Variants in EFHC1 observed in about 807,000 individuals in gnomAD.
The protein encoded by EFHC1 is EF-hand domain-containing protein 1.
In EFHC1, 53 loss-of-function variants were observed where a neutral mutation model predicts 69.9. The ratio of observed to expected loss-of-function variants is 0.76; its 90% CI spans 0.61 to 0.95. EFHC1 has a LOEUF of 0.95. EFHC1 is among the 40% of genes least tolerant of loss of function. The probability of loss-of-function intolerance (pLI) is 0.00; values close to 1 mark genes in which losing one functional copy is unlikely to be tolerated. For missense variants in EFHC1, 739 were observed against 798.7 expected (o/e 0.93, Z 0.90); for synonymous variants, 256 against 278.4 (o/e 0.92, Z 0.80).
intron 6 of EFHC1, among the ~76,000 whole-genome samples, chr6:52,465,965 A>G (rs566022362): frequency 2.0e-5 from 3 of 151,188 alleles, no homozygotes; most frequent in East Asian, 1.9e-4. Context: ...ATATAGATAT[A>G]TCTCATATCT....
chr6:52,464,885 C>G lies in EFHC1; in HGVS notation c.917-10C>G. 1 of 1,608,352 alleles carries G rather than the reference C, an allele frequency of 6.2e-7. No homozygotes were observed. Among genetic ancestry groups the G allele is most frequent in the Non-Finnish European group, 8.5e-7 (1 of 1,174,770 alleles). On this transcript the variant is annotated splice_polypyrimidine_tract_variant and intron_variant, in intron 5 of 10. Coordinates refer to ENST00000371068, the MANE Select transcript of EFHC1 (RefSeq NM_018100.4). ...CTTCTTTTTTTCTCTCTAACACCAT[C>G]TTATATTAGAGAACTTCCCTCAGTG...
chr6:52,465,985 A>G (rs895179285), intron 6 of EFHC1, among the ~76,000 whole-genome samples: 3 of 151,494 alleles, frequency 2.0e-5, no homozygotes, highest in African/African-American at 7.3e-5. Flanking sequence ...TTTTACCTGG[A>G]AATATACTTT....
At chr6:52,465,785 C>A (rs1025768075) in intron 6 of EFHC1, among the ~76,000 whole-genome samples, 4 of 149,596 alleles carry the variant, frequency 2.7e-5, no homozygotes, top group African/African-American at 9.8e-5. Context: ...CCAGCCTGGG[C>A]AACAGAATGA....
At chr6:52,434,788 A>G (rs1359076254) in intron 2 of EFHC1, among the ~76,000 whole-genome samples, 1 of 152,198 alleles carries the variant, frequency 6.6e-6, no homozygotes, top group Non-Finnish European at 1.5e-5. Context: ...GGAGGAGCAC[A>G]GAACTCTTAA....
In EFHC1 at chr6:52,423,912, A is replaced by G. The variant is rs569866011; in HGVS notation, c.64-34A>G. 5.6e-6 allele frequency: 9 copies of G among 1,612,330 alleles called. No individual in the cohort carries two copies. The South Asian group carries it at 6.6e-5, about 12-fold the overall frequency. On this transcript the variant is annotated intron_variant, in intron 1 of 10. Transcript: ENST00000371068. Reference sequence around the variant, plus strand: ...TTTTTTACCTAACAAATATTTGTCTAATGTTATTAATGACACATTCTTTTC... The same window carrying G: ...TTTTTTACCTAACAAATATTTGTCTGATGTTATTAATGACACATTCTTTTC...
intron 3 of EFHC1, among the ~76,000 whole-genome samples, chr6:52,441,153 T>C (rs1764654239): frequency 6.6e-6 from 1 of 152,208 alleles, no homozygotes; most frequent in Non-Finnish European, 1.5e-5. Flanking sequence ...ATACCATTTG[T>C]CAATTTTTGC....
At chr6:52,459,734 G>A (rs1039733919) in intron 5 of EFHC1, among the ~76,000 whole-genome samples, 1 of 152,180 alleles carries the variant, frequency 6.6e-6, no homozygotes, top group African/African-American at 2.4e-5. Flanking sequence ...GAGTGCAGTG[G>A]CATGGTCTTG....
At position 52,420,344 on chromosome 6, in the gene EFHC1, T is replaced by A. The variant is rs774539383; in HGVS notation, c.-67T>A. ...GGATCCTGGAGGTGCCCGCGAACAC[T>A]GCTTGTCGCCTGGGCAACCGGAGAG... On this transcript the variant is annotated 5_prime_UTR_variant, in exon 1 of 11. Coordinates refer to ENST00000371068, the MANE Select transcript of EFHC1 (RefSeq NM_018100.4). 6.2e-7 allele frequency: 1 copy of A among 1,603,704 alleles called. No homozygotes were observed. The highest frequency in any genetic ancestry group is 2.2e-5 in the East Asian group (1 of 44,800).
intron 2 of EFHC1, among the ~76,000 whole-genome samples, chr6:52,427,582 A>G (rs1314302795): frequency 1.3e-5 from 2 of 148,616 alleles, no homozygotes; most frequent in Non-Finnish European, 1.5e-5. Flanking sequence ...TTGCAGCACT[A>G]TATTATAATT....
intron 4 of EFHC1, chr6:52,453,747 A>G (rs1249874437): frequency 8.0e-7 from 1 of 1,242,928 alleles, no homozygotes; most frequent in African/African-American, 1.6e-5. Flanking sequence ...CCATATTCAC[A>G]TGTACCTTTA....
Position 52,495,222 on chromosome 6 carries a change from C to T in EFHC1, c.*2881C>T, listed in dbSNP as rs1268563273. ...GCTGTGTAATTAGGCAGCTCAATCC[C>T]TTTCCTTTAGACTGTTTCAGGGGAG... is the stretch of plus-strand genomic sequence containing the variant. On this transcript the variant is annotated 3_prime_UTR_variant, in exon 11 of 11. Transcript: ENST00000371068. 1 of 454,114 alleles carries T rather than the reference C, an allele frequency of 2.2e-6. No individual in the cohort carries two copies. The highest frequency in any genetic ancestry group is 4.4e-6 in the Non-Finnish European group (1 of 226,790). 28.1% of individuals were successfully genotyped at this position (454,114 alleles called of 1,614,324 possible). A position where few individuals can be genotyped will look rare whatever the true frequency, so the allele number is the denominator to read the frequency against.
chr6:52,456,757 ATACAAAAAT>A (rs1206542621), intron 5 of EFHC1, among the ~76,000 whole-genome samples: 1 of 152,190 alleles, frequency 6.6e-6, no homozygotes, highest in Non-Finnish European at 1.5e-5. Flanking sequence ...CTACTAAAAA[ATACAAAAAT>A]TACCTGGGCA....
intron 5 of EFHC1, among the ~76,000 whole-genome samples, chr6:52,459,805 G>T (rs1765123227): frequency 6.6e-6 from 1 of 152,140 alleles, no homozygotes; most frequent in Non-Finnish European, 1.5e-5. Flanking sequence ...CTCCCGAGTA[G>T]CTGGGACTAC....
intron 3 of EFHC1, among the ~76,000 whole-genome samples, chr6:52,439,757 G>T (rs909257812): frequency 3.3e-5 from 5 of 152,080 alleles, no homozygotes; most frequent in Admixed American, 3.3e-4. Context: ...AAGGAGCCAT[G>T]GCATCAGTGC....
intron 2 of EFHC1, among the ~76,000 whole-genome samples, chr6:52,435,393 C>T (rs1764509127): frequency 6.6e-6 from 1 of 152,176 alleles, no homozygotes; most frequent in Admixed American, 6.5e-5. Flanking sequence ...CCCAGTCCTG[C>T]AGTATAAATT....
At chr6:52,449,255 C>T (rs1411950703) in intron 3 of EFHC1, among the ~76,000 whole-genome samples, 11 of 151,942 alleles carry the variant, frequency 7.2e-5, no homozygotes, top group South Asian at 2.1e-4. Flanking sequence ...TGGTGGCAGG[C>T]GCCTGTAGTC....
At position 52,452,549 on chromosome 6, in the gene EFHC1, A is replaced by G; in HGVS notation, c.574-139A>G. 14 of 914,040 alleles carry G rather than the reference A, an allele frequency of 1.5e-5. No individual in the cohort carries two copies. In the South Asian group the frequency reaches 2.0e-4, roughly 13 times the overall value. The allele number at this position is 914,040 out of a possible 1,614,324, so 56.6% of individuals were successfully genotyped here. A position where few individuals can be genotyped will look rare whatever the true frequency, so the allele number is the denominator to read the frequency against. ...ACTCCTGCGTTTCAGGAGTCCTCCT[A>G]CCTCAGCCTCCCAAAGTGCTGAGAT... On this transcript the variant is annotated intron_variant, in intron 3 of 10. Transcript: ENST00000371068.
rs933348675 is a variant in EFHC1, at chr6:52,496,670, C to T, written c.*4329C>T. 2 of 152,166 alleles carry T rather than the reference C, an allele frequency of 1.3e-5. No individual in the cohort carries two copies. The highest frequency in any genetic ancestry group is 4.8e-5 in the African/African-American group (2 of 41,420). 9.4% of individuals were successfully genotyped at this position (152,166 alleles called of 1,614,324 possible). A position where few individuals can be genotyped will look rare whatever the true frequency, so the allele number is the denominator to read the frequency against. On this transcript the variant is annotated 3_prime_UTR_variant, in exon 11 of 11. Transcript: ENST00000371068. ...CCATGACTCCCCACAAAACATGAAA[C>T]CCTTTTGACACAGATGCACAAAAAG...
At chr6:52,458,306 A>C (rs941888898) in intron 5 of EFHC1, among the ~76,000 whole-genome samples, 2 of 152,194 alleles carry the variant, frequency 1.3e-5, no homozygotes, top group East Asian at 3.8e-4. Context: ...AAAATTGACA[A>C]TTGGGACCTA....
Sources: allele counts gnomAD v4.1 joint callset (sites outside exome capture counted in the v4.1 genomes callset), GRCh38; gene constraint gnomAD v4.1.1; transcripts MANE v1.5; gene names NCBI Gene and HGNC (gene_info 2026-07-23, HGNC 2026-07-21).